ITGAV: variants seen among roughly 807,000 people sequenced by gnomAD.
ITGAV encodes the protein integrin alpha-V.
A neutral mutation model predicts 143.8 loss-of-function variants in ITGAV; 76 were observed. The observed-to-expected ratio is 0.53, with a 90% confidence interval of 0.44 to 0.64. The LOEUF (loss-of-function observed/expected upper bound fraction) is 0.64. ITGAV is among the 30% of genes least tolerant of loss of function. ITGAV has a pLI of 0.00. For synonymous variants in ITGAV, 453 were observed against 446.7 expected, an observed-to-expected ratio of 1.01 and a Z score of -0.18; for missense variants, 1,193 against 1,274.7, an observed-to-expected ratio of 0.94 and a Z score of 0.98.
chr2:186,636,238 G>T, intron 7 of ITGAV, 31 bp downstream of exon 7: 1 of 1,587,404 alleles, frequency 6.3e-7, no homozygotes, highest in South Asian at 1.1e-5. Context: ...CTCATTTTTG[G>T]AACTGTGGTA....
chr2:186,603,100 T>C (rs1221280217), intron 2 of ITGAV, among the ~76,000 whole-genome samples: 1 of 152,188 alleles, frequency 6.6e-6, no homozygotes, highest in Non-Finnish European at 1.5e-5. Context: ...AAATAAAATA[T>C]GCAGAATTCT....
intron 2 of ITGAV, among the ~76,000 whole-genome samples, chr2:186,603,730 G>A (rs1686978014): frequency 6.6e-6 from 1 of 152,116 alleles, no homozygotes; most frequent in Non-Finnish European, 1.5e-5. Context: ...TGCATTGCAA[G>A]ATAATTTATT....
intron 2 of ITGAV, among the ~76,000 whole-genome samples, chr2:186,622,018 G>A (rs1338746445): frequency 1.3e-5 from 2 of 151,932 alleles, no homozygotes; most frequent in Admixed American, 6.6e-5. Flanking sequence ...GGGAATAGGC[G>A]ATCATACGTA....
Position 186,590,245 on chromosome 2 carries a change from C to A in ITGAV, c.-94C>A. 3 of 1,127,518 alleles carry A rather than the reference C, an allele frequency of 2.7e-6. No individual in the cohort carries two copies. The highest frequency in any genetic ancestry group is 3.3e-5 in the East Asian group (1 of 30,614). 69.8% of individuals were successfully genotyped at this position (1,127,518 alleles called of 1,614,324 possible). On this transcript the variant is annotated 5_prime_UTR_variant, in exon 1 of 30. Transcript: ENST00000261023. ...AGAGAGCGGCCGGCAAGTTTGGGCG[C>A]GCGCAGGCGGCGGGCCGCGGGCACT...
rs758367657 is a variant in ITGAV at position 186,664,589 on chromosome 2, T to C, written c.2021T>C (p.Ile674Thr). The C allele has an allele frequency of 6.2e-7, 1 of 1,613,980 alleles. No individual in the cohort carries two copies. The highest frequency in any genetic ancestry group is 2.2e-5 in the East Asian group (1 of 44,880). Residue 674 changes from isoleucine to threonine, a missense_variant, in exon 20 of 30, where the codon ATC becomes ACC. Coordinates refer to ENST00000261023, the MANE Select transcript of ITGAV (RefSeq NM_002210.5). ...GAAGGTGCCTACGAAGCTGAGCTCA[T>C]CGTTTCCATTCCACTGCAGGCTGAT... ...QGEGAYEAEL[I>T]VSIPLQADFI...
intron 10 of ITGAV, among the ~76,000 whole-genome samples, chr2:186,638,904 T>A (rs1279369398): frequency 6.6e-6 from 1 of 151,110 alleles, no homozygotes; most frequent in East Asian, 1.9e-4. Context: ...TTCCTTTTTT[T>A]TTTTTTTTTA....
intron 2 of ITGAV, among the ~76,000 whole-genome samples, chr2:186,605,091 G>A (rs1257820193): frequency 6.6e-6 from 1 of 152,170 alleles, no homozygotes; most frequent in Non-Finnish European, 1.5e-5. Flanking sequence ...GGGATTGATC[G>A]TATATCAGCA....
chr2:186,655,327 G>C lies in ITGAV; in HGVS notation c.1564+619G>C, dbSNP rs539893708. Among the ~76,000 whole-genome samples the C allele has an allele frequency of 8.5e-5, 13 of 152,324 alleles. No individual in the cohort carries two copies. In the South Asian group the frequency reaches 2.7e-3, roughly 32 times the overall value. On this transcript the variant is annotated intron_variant, in intron 16 of 29. Transcript: ENST00000261023. Reference sequence around the variant, plus strand: ...GAAACTGTTGGGTGTGTGTTTGTGTGTGAAAGTTTACATAGGGCAGCCAAG... The same window carrying C: ...GAAACTGTTGGGTGTGTGTTTGTGTCTGAAAGTTTACATAGGGCAGCCAAG...
intron 6 of ITGAV, among the ~76,000 whole-genome samples, chr2:186,635,057 T>G (rs1687915177): frequency 1.3e-5 from 2 of 152,112 alleles, no homozygotes; most frequent in Admixed American, 1.3e-4. Flanking sequence ...GTGTAATAAT[T>G]AGGACACAGT....
chr2:186,634,988 T>C (rs534016832), intron 6 of ITGAV, among the ~76,000 whole-genome samples: 9 of 151,478 alleles, frequency 5.9e-5, no homozygotes, highest in Non-Finnish European at 8.8e-5. Context: ...TGAAAATGTA[T>C]GACCTTTTTT....
rs1220866470 is a variant in ITGAV at position 186,638,283 on chromosome 2, T to C, written c.809T>C (p.Val270Ala). 6.2e-7 allele frequency: 1 copy of C among 1,613,962 alleles called. No homozygotes were observed. The highest frequency in any genetic ancestry group is 2.2e-5 in the East Asian group (1 of 44,856). The change falls in exon 9 of 30, where the codon GTT becomes GCT. Residue 270 changes from valine to alanine, a missense_variant. Coordinates refer to ENST00000261023, the MANE Select transcript of ITGAV (RefSeq NM_002210.5). Reference sequence around the variant, plus strand: ...GTTTGTTTGTTTGTTTCAGACTTTGTTTCAGGAGTTCCAAGAGCAGCAAGG... The same window carrying C: ...GTTTGTTTGTTTGTTTCAGACTTTGCTTCAGGAGTTCCAAGAGCAGCAAGG... ...DFNGDGIDDF[V>A]SGVPRAARTL...
intron 1 of ITGAV, among the ~76,000 whole-genome samples, chr2:186,594,663 A>G (rs551268156): frequency 6.6e-6 from 1 of 152,224 alleles, no homozygotes; most frequent in African/African-American, 2.4e-5. Flanking sequence ...CATTGCCAGC[A>G]AGAAAGTCCA....
intron 12 of ITGAV, among the ~76,000 whole-genome samples, chr2:186,645,693 G>A (rs1688235398): frequency 6.6e-6 from 1 of 152,172 alleles, no homozygotes; most frequent in South Asian, 2.1e-4. Context: ...TTAAGGCCGG[G>A]CGCGTGGTTC....
rs1689245819 is a variant in ITGAV at position 186,677,422 on chromosome 2, A to G, written c.*130A>G. On this transcript the variant is annotated 3_prime_UTR_variant, in exon 30 of 30. Coordinates refer to ENST00000261023, the MANE Select transcript of ITGAV (RefSeq NM_002210.5). The stretch of plus-strand genomic sequence containing the variant: ...GATAGTGCTAATTGGCATTAACCAC[A>G]AAATGAGAATTATATTTGTCAACCT... 1.5e-6 allele frequency: 1 copy of G among 647,794 alleles called. No homozygotes were observed. Among genetic ancestry groups the G allele is most frequent in the Admixed American group, 2.7e-5 (1 of 36,488 alleles). 40.1% of individuals were successfully genotyped at this position (647,794 alleles called of 1,614,324 possible). A position where few individuals can be genotyped will look rare whatever the true frequency, so the allele number is the denominator to read the frequency against.
At chr2:186,644,820 T>TA (rs113937015) in intron 12 of ITGAV, among the ~76,000 whole-genome samples, 44,005 of 146,170 alleles carry the variant, frequency 0.3, 6,875 homozygotes, top group Middle Eastern at 0.36. Flanking sequence ...CATATATGTT[T>TA]AAAAAAAAAA....
At chr2:186,672,696 A>G (rs773271336) in intron 26 of ITGAV, among the ~76,000 whole-genome samples, 12 of 152,332 alleles carry the variant, frequency 7.9e-5, no homozygotes, top group Admixed American at 1.3e-4. Flanking sequence ...GATATTCAGC[A>G]TCTTTTCAGT....
At chr2:186,622,784 A>G (rs1687568874) in intron 3 of ITGAV, among the ~76,000 whole-genome samples, 1 of 151,542 alleles carries the variant, frequency 6.6e-6, no homozygotes, top group African/African-American at 2.4e-5. Context: ...TTTCCCTGAG[A>G]CGGAGTCTTG....
At chr2:186,660,550 C>T (rs916682999) in intron 18 of ITGAV, 1 of 152,142 alleles carries the variant, frequency 6.6e-6, no homozygotes. Flanking sequence ...TCACTGGTTA[C>T]GTTACAAACT....
At position 186,675,943 on chromosome 2, in the gene ITGAV, A is replaced by G. The variant is rs199683644; in HGVS notation, c.2928+16A>G. The G allele has an allele frequency of 9.1e-6, 12 of 1,314,864 alleles. No individual in the cohort carries two copies. Among genetic ancestry groups the G allele is most frequent in the Non-Finnish European group, 1.3e-5 (12 of 918,376 alleles). The allele number at this position is 1,314,864 out of a possible 1,614,324, so 81.4% of individuals were successfully genotyped here. A position where few individuals can be genotyped will look rare whatever the true frequency, so the allele number is the denominator to read the frequency against. ...CTCCACATTGGTAAGTCATTGGTTT[A>G]GGCAAATAGAATAAATTTACTCAAT... On this transcript the variant is annotated intron_variant, in intron 28 of 29. Coordinates refer to ENST00000261023, the MANE Select transcript of ITGAV (RefSeq NM_002210.5).
Sources: gnomAD v4.1 joint callset for allele counts (sites outside exome capture counted in the v4.1 genomes callset) on GRCh38, gnomAD v4.1.1 for gene constraint, MANE v1.5 for transcripts, NCBI Gene and HGNC (gene_info 2026-07-23, HGNC 2026-07-21) for gene names.